The following NFS1 variants were observed in gnomAD, a reference collection of about 807,000 sequenced individuals.
NFS1 encodes cysteine desulfurase.
NFS1 carries 26 observed loss-of-function variants against 57.3 expected under a neutral mutation model. The observed-to-expected ratio is 0.45, with a 90% confidence interval of 0.33 to 0.63. The LOEUF (loss-of-function observed/expected upper bound fraction) is 0.63. Among genes scored for constraint, NFS1 ranks in the 20% least tolerant of loss-of-function variants. NFS1 has a pLI of 0.02. For synonymous variants in NFS1, 209 were observed against 216.3 expected (o/e 0.97, Z 0.30); for missense variants, 505 against 605.8 (o/e 0.83, Z 1.75).
At chr20:35,679,671 C>T (rs559890738) in intron 7 of NFS1, among the ~76,000 whole-genome samples, 1 of 152,266 alleles carries the variant, frequency 6.6e-6, no homozygotes, top group Non-Finnish European at 1.5e-5. Flanking sequence ...AAACACTCTA[C>T]AACCTCTGGG....
At chr20:35,671,468 G>A (rs2034653227) in intron 12 of NFS1, among the ~76,000 whole-genome samples, 1 of 152,200 alleles carries the variant, frequency 6.6e-6, no homozygotes, top group Admixed American at 6.5e-5. Context: ...CTACTTGGGA[G>A]TCTGAAGCAG....
At chr20:35,670,509 T>C (rs1301602282) in intron 12 of NFS1, among the ~76,000 whole-genome samples, 2 of 152,238 alleles carry the variant, frequency 1.3e-5, no homozygotes, top group Non-Finnish European at 2.9e-5. Flanking sequence ...CCCTCTTCTA[T>C]ATACTAAACA....
intron 4 of NFS1, among the ~76,000 whole-genome samples, chr20:35,691,420 T>TA (rs926057694): frequency 2.8e-5 from 4 of 141,828 alleles, no homozygotes; most frequent in African/African-American, 5.1e-5. Context: ...TACAAGAAAC[T>TA]AAAAAAAACA....
chr20:35,680,859 C>T lies in NFS1; in HGVS notation c.668G>A (p.Ser223Asn). ...QPIAEIGRIC[S>N]SRKVYFHTDA... ...AGTATGGAAATATACCTTTCTGGAA[C>T]TGCAAATCCGCCCTGAGGAAACAGA... Residue 223 changes from serine to asparagine, a missense_variant, in exon 7 of 13, where the codon AGT becomes AAT. Ser to Asn is a conservative substitution (Grantham distance 46). Coordinates refer to ENST00000374092, the MANE Select transcript of NFS1 (RefSeq NM_021100.5). 1 of 1,529,590 alleles carries T rather than the reference C, an allele frequency of 6.5e-7. No homozygotes were observed. The allele number at this position is 1,529,590 out of a possible 1,614,324, so 94.8% of individuals were successfully genotyped here.
At chr20:35,691,883 T>C (rs1444168238) in intron 4 of NFS1, among the ~76,000 whole-genome samples, 1 of 150,716 alleles carries the variant, frequency 6.6e-6, no homozygotes, top group Non-Finnish European at 1.5e-5. Context: ...ACCCCATCTC[T>C]ACTAAAAATA....
Position 35,692,527 on chromosome 20 carries a change from T to TAAAAAA in NFS1, c.409-1968_409-1963dup, listed in dbSNP as rs61052129. 3.0e-4 allele frequency among the ~76,000 whole-genome samples: 13 copies of TAAAAAA among 42,742 alleles called. 1 individual carries two copies. Among genetic ancestry groups the TAAAAAA allele is most frequent in the African/African-American group, 8.3e-4 (11 of 13,180 alleles). 28.0% of individuals were successfully genotyped at this position (42,742 alleles called of 152,430 possible). On this transcript the variant is annotated intron_variant, in intron 4 of 12. Coordinates refer to ENST00000374092, the MANE Select transcript of NFS1 (RefSeq NM_021100.5). ...CCAGCCTGAGCAACATCATCTATAC[T>TAAAAAA]AAAAAAAAAAAAAAAAAAAAAAAAA... is the stretch of plus-strand genomic sequence containing the variant.
intron 5 of NFS1, among the ~76,000 whole-genome samples, chr20:35,688,731 G>A (rs1397349099): frequency 2.0e-5 from 3 of 149,836 alleles, no homozygotes; most frequent in African/African-American, 7.4e-5. Context: ...GACAGAGGGA[G>A]AGAGAGAGAG....
intron 12 of NFS1, among the ~76,000 whole-genome samples, chr20:35,672,148 C>T (rs1375258336): frequency 2.0e-5 from 3 of 151,824 alleles, no homozygotes; most frequent in Non-Finnish European, 2.9e-5. Context: ...TTAGGAGAGA[C>T]GGGGTTTCAA....
At chr20:35,670,228 G>A (rs921347241) in intron 12 of NFS1, among the ~76,000 whole-genome samples, 7 of 152,130 alleles carry the variant, frequency 4.6e-5, no homozygotes, top group East Asian at 1.9e-4. Context: ...GTTCTTGCCC[G>A]TTTCATCTCC....
intron 7 of NFS1, 107 bp from the exon 8 acceptor site, chr20:35,675,309 T>A: frequency 8.1e-7 from 1 of 1,234,780 alleles, no homozygotes; most frequent in South Asian, 1.6e-5. Context: ...TCTGTAAGCA[T>A]GAAATTTTTC....
At chr20:35,683,405 C>T (rs1190124152) in intron 5 of NFS1, among the ~76,000 whole-genome samples, 1 of 151,574 alleles carries the variant, frequency 6.6e-6, no homozygotes, top group Non-Finnish European at 1.5e-5. Flanking sequence ...TCGCTTGAAC[C>T]CGGGGGGCAG....
At chr20:35,678,396 C>G (rs550906601) in intron 7 of NFS1, among the ~76,000 whole-genome samples, 5 of 151,876 alleles carry the variant, frequency 3.3e-5, no homozygotes, top group East Asian at 1.9e-4. Context: ...GGCGTGGTGG[C>G]AGGCACCTGT....
intron 10 of NFS1, 38 bp downstream of exon 10, chr20:35,674,312 G>T: frequency 1.3e-6 from 2 of 1,525,192 alleles, no homozygotes; most frequent in South Asian, 2.2e-5. Context: ...TCTTCTAAGT[G>T]GCCCTGCCGC....
chr20:35,684,411 T>TAAATAAAATA (rs60162682), intron 5 of NFS1, among the ~76,000 whole-genome samples: 3,757 of 124,394 alleles, frequency 0.03, 128 homozygotes, highest in African/African-American at 0.072. Context: ...CCATCTCAAA[T>TAAATAAAATA]AAATAAAATA....
intron 5 of NFS1, among the ~76,000 whole-genome samples, chr20:35,690,030 C>T (rs958906048): frequency 1.2e-4 from 18 of 151,262 alleles, no homozygotes; most frequent in South Asian, 2.1e-4. Flanking sequence ...ACCCAGGAGG[C>T]GGAGGTTGCA....
chr20:35,688,728 G>GGA (rs1184678300), intron 5 of NFS1, among the ~76,000 whole-genome samples: 4 of 149,818 alleles, frequency 2.7e-5, no homozygotes, highest in Admixed American at 2.0e-4. Context: ...AAAGACAGAG[G>GGA]GAGAGAGAGA....
Position 35,697,012 on chromosome 20 carries a change from A to G in NFS1, c.325-552T>C, listed in dbSNP as rs563626500. 2.9e-3 allele frequency among the ~76,000 whole-genome samples: 445 copies of G among 152,336 alleles called. 1 individual carries two copies. The highest frequency in any genetic ancestry group is 0.01 in the African/African-American group (416 of 41,580). On this transcript the variant is annotated intron_variant, in intron 3 of 12. Transcript: ENST00000374092. ...TCCCAGCTACTTGGGAGGCTGAGGTAGGAGAACTGCTTGAACCCGGGAGGC... is the reference window on the plus strand; with the variant it reads ...TCCCAGCTACTTGGGAGGCTGAGGTGGGAGAACTGCTTGAACCCGGGAGGC...
In NFS1 at chr20:35,675,037, C is replaced by T; in HGVS notation, c.948+8G>A. The stretch of plus-strand genomic sequence containing the variant: ...AGAAGTTGTGGGAGGGAACTGCTCT[C>T]CCCATACCTCCATCTCTTGCTGTGC... On this transcript the variant is annotated splice_region_variant and intron_variant, in intron 8 of 12. Coordinates refer to ENST00000374092, the MANE Select transcript of NFS1 (RefSeq NM_021100.5). 1.2e-6 allele frequency: 2 copies of T among 1,613,926 alleles called. No individual in the cohort carries two copies. The highest frequency in any genetic ancestry group is 1.3e-5 in the African/African-American group (1 of 75,040).
At chr20:35,682,474 A>C (rs1162575589) in intron 5 of NFS1, among the ~76,000 whole-genome samples, 1 of 152,218 alleles carries the variant, frequency 6.6e-6, no homozygotes, top group East Asian at 1.9e-4. Flanking sequence ...ATGAATTCCC[A>C]AAGACTTATG....
Sources: gnomAD v4.1 joint callset for allele counts (sites outside exome capture counted in the v4.1 genomes callset) on GRCh38, gnomAD v4.1.1 for gene constraint, MANE v1.5 for transcripts, NCBI Gene and HGNC (gene_info 2026-07-23, HGNC 2026-07-21) for gene names.